The following STK3 variants were observed in gnomAD, a reference collection of about 807,000 sequenced individuals.
The protein encoded by STK3 is serine/threonine kinase 3.
Under a neutral mutation model 58.0 loss-of-function variants are expected in STK3, and 41 were observed. The observed-to-expected ratio is 0.71, with a 90% CI of 0.55 to 0.92. STK3 has a LOEUF of 0.92. Ranked by LOEUF, STK3 falls within the 40% of genes least tolerant of loss-of-function variation. The pLI, the probability that STK3 is intolerant of heterozygous loss-of-function variation, is 0.00. For missense variants in STK3, 479 were observed against 602.7 expected (o/e 0.79, Z 2.15); for synonymous variants, 170 against 191.0 (o/e 0.89, Z 0.91).
intron 6 of STK3, among the ~76,000 whole-genome samples, chr8:98,658,345 G>A (rs1821703246): frequency 6.6e-6 from 1 of 152,034 alleles, no homozygotes; most frequent in African/African-American, 2.4e-5. Context: ...AGGGAGTGCT[G>A]CTGAGATTAG....
chr8:98,846,519 G>GC (rs1836204382), intron 3 of STK3, among the ~76,000 whole-genome samples: 1 of 152,096 alleles, frequency 6.6e-6, no homozygotes, highest in South Asian at 2.1e-4. Context: ...ATAAGTCTTT[G>GC]CCCCCTTGGT....
intron 1 of STK3, among the ~76,000 whole-genome samples, chr8:98,795,337 TA>T (rs35961541): frequency 0.67 from 79,133 of 117,434 alleles, 24,475 homozygotes; most frequent in South Asian, 0.79. Context: ...CCCTTCATGA[TA>T]AAAAAAAAAA....
intron 2 of STK3, among the ~76,000 whole-genome samples, chr8:98,434,535 A>C (rs1364780334): frequency 6.6e-6 from 1 of 152,194 alleles, no homozygotes; most frequent in Admixed American, 6.5e-5. Flanking sequence ...GCAGGTCTGA[A>C]ACTCTGCAAC....
chr8:98,450,921 C>A (rs574262229), downstream of STK3, among the ~76,000 whole-genome samples: 1 of 152,152 alleles, frequency 6.6e-6, no homozygotes. Flanking sequence ...TGTGGTCTAG[C>A]GGAAATGCAA....
At chr8:98,434,719 A>AGGG (rs1412248500) in intron 2 of STK3, among the ~76,000 whole-genome samples, 1 of 152,204 alleles carries the variant, frequency 6.6e-6, no homozygotes, top group Admixed American at 6.5e-5. Context: ...ATACAAGAGA[A>AGGG]GGGGAGAAGA....
downstream of STK3, among the ~76,000 whole-genome samples, chr8:98,450,357 G>A (rs540817319): frequency 3.4e-4 from 52 of 152,250 alleles, no homozygotes; most frequent in African/African-American, 1.3e-3. Context: ...TAGTATTTAC[G>A]TGTCATATGT....
At chr8:98,441,352 A>G (rs1418148055) in intron 1 of STK3, among the ~76,000 whole-genome samples, 1 of 152,172 alleles carries the variant, frequency 6.6e-6, no homozygotes, top group African/African-American at 2.4e-5. Flanking sequence ...TTTCCATATC[A>G]GTTCATAAAA....
rs550036686 is a variant in STK3 at position 98,765,770 on chromosome 8, T to A, written c.236+1473A>T. Among the ~76,000 whole-genome samples, 90 of 152,252 alleles carry A rather than the reference T, an allele frequency of 5.9e-4. 1 individual carries two copies. The highest frequency in any genetic ancestry group is 4.3e-4 in the Non-Finnish European group (29 of 68,046). ...GACATGGCTGTTCCTTTGTTGCTGC[T>A]GTACTAGCAGACTTTTTGTTAAGGG... On this transcript the variant is annotated intron_variant, in intron 3 of 10. Coordinates refer to ENST00000419617, the MANE Select transcript of STK3 (RefSeq NM_006281.4).
At chr8:98,784,817 A>T (rs1040228071) in intron 1 of STK3, among the ~76,000 whole-genome samples, 63 of 151,506 alleles carry the variant, frequency 4.2e-4, no homozygotes, top group African/African-American at 1.5e-3. Context: ...TTTCCTGTGC[A>T]GAGATTCTGT....
At chr8:98,840,798 C>A (rs1177215484) in intron 3 of STK3, among the ~76,000 whole-genome samples, 1 of 151,772 alleles carries the variant, frequency 6.6e-6, no homozygotes, top group East Asian at 1.9e-4. Context: ...TTATCAGGAC[C>A]CTTCAGTTCA....
intron 6 of STK3, among the ~76,000 whole-genome samples, chr8:98,614,450 G>A (rs967636057): frequency 1.3e-5 from 2 of 152,178 alleles, no homozygotes; most frequent in Middle Eastern, 3.2e-3. Flanking sequence ...TCGATCGGGG[G>A]AGGAGCCAAG....
At position 98,812,618 on chromosome 8, in the gene STK3, G is replaced by A. The variant is rs143796237; in HGVS notation, c.26+12897C>T. Among the ~76,000 whole-genome samples the A allele has an allele frequency of 8.8e-3, 1,346 of 152,268 alleles. 12 individuals carry two copies. Among genetic ancestry groups the A allele is most frequent in the African/African-American group, 0.03 (1,257 of 41,540 alleles). ...TTACTGTGGCACAATTCACAATAGC[G>A]AAGACTTGGAACCAACCCAGATGTC... On this transcript the variant is annotated intron_variant, in intron 1 of 10. Transcript: ENST00000419617.
chr8:98,648,114 T>G (rs1245998656), intron 6 of STK3, among the ~76,000 whole-genome samples: 2 of 152,192 alleles, frequency 1.3e-5, no homozygotes, highest in African/African-American at 4.8e-5. Context: ...CAACCTAATA[T>G]GTATCACTCC....
At chr8:98,516,578 C>T (rs1824948759) in intron 10 of STK3, among the ~76,000 whole-genome samples, 1 of 152,008 alleles carries the variant, frequency 6.6e-6, no homozygotes, top group African/African-American at 2.4e-5. Flanking sequence ...CACTTTATTT[C>T]TATTGTGCCT....
chr8:98,941,493 C>T (rs2132068730), intron 1 of STK3, among the ~76,000 whole-genome samples: 1 of 152,346 alleles, frequency 6.6e-6, no homozygotes, highest in East Asian at 1.9e-4. Flanking sequence ...TGGCTGGGAT[C>T]CCTGGAAAAA....
chr8:98,610,193 A>C (rs1018263472), intron 6 of STK3, among the ~76,000 whole-genome samples: 4 of 68,998 alleles, frequency 5.8e-5, no homozygotes, highest in Admixed American at 5.3e-4. Flanking sequence ...GTTTCAAAAC[A>C]GAAAAAAAAA....
At chr8:98,545,508 T>G (rs1810630120) in intron 9 of STK3, among the ~76,000 whole-genome samples, 1 of 152,190 alleles carries the variant, frequency 6.6e-6, no homozygotes, top group African/African-American at 2.4e-5. Flanking sequence ...TTGTCATTTT[T>G]CTCCACTTCC....
intron 1 of STK3, among the ~76,000 whole-genome samples, chr8:98,906,753 C>T (rs1250501267): frequency 6.6e-6 from 1 of 152,152 alleles, no homozygotes; most frequent in African/African-American, 2.4e-5. Context: ...CAGTGTCTTC[C>T]ATCACCTCTA....
chr8:98,442,739 T>C (rs1179573749), intron 1 of STK3, among the ~76,000 whole-genome samples: 1 of 152,242 alleles, frequency 6.6e-6, no homozygotes, highest in Non-Finnish European at 1.5e-5. Flanking sequence ...ATGTATAAAA[T>C]AAAGAACTAG....
Sources: allele counts gnomAD v4.1 joint callset (sites outside exome capture counted in the v4.1 genomes callset), GRCh38; gene constraint gnomAD v4.1.1; transcripts MANE v1.5; gene names NCBI Gene and HGNC (gene_info 2026-07-23, HGNC 2026-07-21).